The following EIF3L variants were observed in gnomAD, a reference collection of about 807,000 sequenced individuals.
EIF3L encodes the protein eukaryotic translation initiation factor 3 subunit L.
Under a neutral mutation model 74.6 loss-of-function variants are expected in EIF3L, and 32 were observed. The observed-to-expected ratio is 0.43, with a 90% CI of 0.32 to 0.58. The LOEUF (loss-of-function observed/expected upper bound fraction) is 0.58, where lower values mean the gene tolerates loss of function less well. Among genes scored for constraint, EIF3L ranks in the 20% least tolerant of loss-of-function variants. The pLI, the probability that EIF3L is intolerant of heterozygous loss-of-function variation, is 0.06. For synonymous variants in EIF3L, 256 were observed against 254.4 expected (o/e 1.01, Z -0.06); for missense variants, 474 against 707.8 (o/e 0.67, Z 3.75).
intron 8 of EIF3L, among the ~76,000 whole-genome samples, chr22:37,872,229 TG>T (rs1926515251): frequency 6.6e-6 from 1 of 152,118 alleles, no homozygotes; most frequent in Admixed American, 6.6e-5. Context: ...GCGATTCTCC[TG>T]TCTCAGCCTC....
chr22:37,852,373 C>T (rs370958648), intron 3 of EIF3L, among the ~76,000 whole-genome samples: 142 of 152,258 alleles, frequency 9.3e-4, no homozygotes, highest in African/African-American at 3.2e-3. Context: ...GTGTCTGGCA[C>T]CAAAGCCTAA....
chr22:37,866,114 C>T (rs961515183), intron 7 of EIF3L, among the ~76,000 whole-genome samples: 1 of 152,220 alleles, frequency 6.6e-6, no homozygotes, highest in Non-Finnish European at 1.5e-5. Flanking sequence ...GTATCAATTA[C>T]TGTCTGGAAG....
intron 9 of EIF3L, 135 bp downstream of exon 9, chr22:37,874,659 A>T (rs1926650364): frequency 9.8e-7 from 1 of 1,024,882 alleles, no homozygotes; most frequent in African/African-American, 1.6e-5. Flanking sequence ...GTTGAGACTA[A>T]AACTGGGCAA....
chr22:37,855,465 C>T, intron 3 of EIF3L, 100 bp from the exon 4 acceptor site: 3 of 1,049,954 alleles, frequency 2.9e-6, no homozygotes, highest in Non-Finnish European at 1.4e-6. Flanking sequence ...GTTTATTTGA[C>T]ATCTTCCCCT....
chr22:37,851,248 C>G, intron 2 of EIF3L, 32 bp from the exon 3 acceptor site: 2 of 1,594,702 alleles, frequency 1.3e-6, no homozygotes, highest in South Asian at 1.1e-5. Context: ...TGGGTTTGAG[C>G]ATACTCTGTA....
intron 3 of EIF3L, among the ~76,000 whole-genome samples, chr22:37,853,182 C>T (rs1203327971): frequency 1.3e-5 from 2 of 152,138 alleles, no homozygotes; most frequent in Non-Finnish European, 2.9e-5. Flanking sequence ...AAGAATTACA[C>T]TGAGGGCTAA....
intron 7 of EIF3L, 53 bp downstream of exon 7, chr22:37,863,398 G>A (rs1425947241): frequency 2.1e-6 from 3 of 1,412,950 alleles, no homozygotes; most frequent in African/African-American, 2.8e-5. Flanking sequence ...GCCAGGAATA[G>A]CTGTTACTAT....
rs186564275 is a variant in EIF3L, at chr22:37,877,564, C to T, written c.1078-110C>T. On this transcript the variant is annotated intron_variant, in intron 10 of 12. Coordinates refer to ENST00000652021, the MANE Select transcript of EIF3L (RefSeq NM_016091.4). Reference sequence around the variant, plus strand: ...GGGAAGTTCAATGGCTGGTATGAAACAACTGGGTAAGTCAAAGATCTGTGC... The same window carrying T: ...GGGAAGTTCAATGGCTGGTATGAAATAACTGGGTAAGTCAAAGATCTGTGC... 1,054 of 1,345,570 alleles carry T rather than the reference C, an allele frequency of 7.8e-4. 5 individuals are homozygous for T. In the African/African-American group the frequency reaches 0.014, roughly 18 times the overall value. 83.4% of individuals were successfully genotyped at this position (1,345,570 alleles called of 1,614,324 possible). A position where few individuals can be genotyped will look rare whatever the true frequency, so the allele number is the denominator to read the frequency against.
intron 5 of EIF3L, among the ~76,000 whole-genome samples, chr22:37,860,982 A>C (rs1277547294): frequency 6.6e-6 from 1 of 152,076 alleles, no homozygotes; most frequent in Non-Finnish European, 1.5e-5. Context: ...TATTCGTGGC[A>C]CTTCAGAGCA....
At chr22:37,873,473 AT>A (rs1244230477) in intron 8 of EIF3L, among the ~76,000 whole-genome samples, 3 of 151,422 alleles carry the variant, frequency 2.0e-5, no homozygotes, top group African/African-American at 7.3e-5. Context: ...AATTTTTTGT[AT>A]TTTTAGTAGA....
At chr22:37,860,784 A>G (rs902297548) in intron 5 of EIF3L, among the ~76,000 whole-genome samples, 3 of 152,192 alleles carry the variant, frequency 2.0e-5, no homozygotes, top group Non-Finnish European at 2.9e-5. Flanking sequence ...ACCTGGTGTC[A>G]GTTTCCACTC....
chr22:37,883,925 AGAAT>A (rs112030466), intron 11 of EIF3L: 61,070 of 151,374 alleles, frequency 0.4, 12,542 homozygotes, highest in African/African-American at 0.43. Context: ...ATAAATAAAT[AGAAT>A]GAATGAATGA....
At chr22:37,855,514 G>A in intron 3 of EIF3L, 51 bp from the exon 4 acceptor site, 1 of 1,519,178 alleles carries the variant, frequency 6.6e-7, no homozygotes, top group Non-Finnish European at 9.1e-7. Context: ...TGTTAGGATT[G>A]GCATTCTCCA....
intron 4 of EIF3L, among the ~76,000 whole-genome samples, chr22:37,858,324 A>T (rs1242367947): frequency 7.3e-6 from 1 of 137,386 alleles, no homozygotes; most frequent in African/African-American, 2.8e-5. Context: ...TGCTGGGCTC[A>T]AGCGATCCTC....
At chr22:37,868,110 A>T (rs981021005) in intron 7 of EIF3L, among the ~76,000 whole-genome samples, 5 of 92,660 alleles carry the variant, frequency 5.4e-5, no homozygotes, top group African/African-American at 1.8e-4. Flanking sequence ...TCTTTGTAGG[A>T]TTTTTTTTTT....
At chr22:37,866,452 T>C (rs1239164004) in intron 7 of EIF3L, among the ~76,000 whole-genome samples, 1 of 152,196 alleles carries the variant, frequency 6.6e-6, no homozygotes, top group Non-Finnish European at 1.5e-5. Context: ...ATACTTGCTT[T>C]TTAAGTTTTT....
At chr22:37,874,822 G>A (rs1446659878) in intron 9 of EIF3L, among the ~76,000 whole-genome samples, 1 of 151,834 alleles carries the variant, frequency 6.6e-6, no homozygotes, top group Non-Finnish European at 1.5e-5. Flanking sequence ...TCCGTCTCCT[G>A]GGTTCAAGCG....
Position 37,889,037 on chromosome 22 carries a change from C to T in EIF3L, c.*573C>T, listed in dbSNP as rs1927459775. The T allele has an allele frequency of 6.6e-6, 1 of 151,960 alleles. No individual in the cohort carries two copies. Among genetic ancestry groups the T allele is most frequent in the Admixed American group, 6.6e-5 (1 of 15,228 alleles). 9.4% of individuals were successfully genotyped at this position (151,960 alleles called of 1,614,324 possible). A position where few individuals can be genotyped will look rare whatever the true frequency, so the allele number is the denominator to read the frequency against. ...ATTACAGGCATGAGCCACCACGCCCCGCCTAAATTCAAAATCTTTTTGTTT... is the reference window on the plus strand; with the variant it reads ...ATTACAGGCATGAGCCACCACGCCCTGCCTAAATTCAAAATCTTTTTGTTT... On this transcript the variant is annotated 3_prime_UTR_variant, in exon 13 of 13. Transcript: ENST00000652021.
chr22:37,850,131 G>A, intron 2 of EIF3L, 68 bp downstream of exon 2: 1 of 1,568,414 alleles, frequency 6.4e-7, no homozygotes, highest in Admixed American at 1.7e-5. Context: ...CTTAGAACCA[G>A]CTCTGACAGG....
Sources: gnomAD v4.1 joint callset for allele counts (sites outside exome capture counted in the v4.1 genomes callset) on GRCh38, gnomAD v4.1.1 for gene constraint, MANE v1.5 for transcripts, NCBI Gene and HGNC (gene_info 2026-07-23, HGNC 2026-07-21) for gene names.